The following SCOC variants were observed in gnomAD, a reference collection of about 807,000 sequenced individuals.
SCOC encodes short coiled-coil protein.
A neutral mutation model predicts 9.9 loss-of-function variants in SCOC; 7 were observed. The ratio of observed to expected loss-of-function variants is 0.71; its 90% CI spans 0.40 to 1.33. The LOEUF (loss-of-function observed/expected upper bound fraction) is 1.33. Among genes scored for constraint, SCOC ranks in the 40% most tolerant of loss-of-function variants. The pLI is 0.01. For synonymous variants in SCOC, 19 were observed against 28.2 expected (o/e 0.67, Z 1.03); for missense variants, 66 against 89.7 (o/e 0.74, Z 1.07).
chr4:140,285,367 T>A (rs890652476), intron 1 of SCOC: 1 of 443,134 alleles, frequency 2.3e-6, no homozygotes, highest in African/African-American at 2.0e-5. Flanking sequence ...AAATACCAGA[T>A]GACTGAACTA....
chr4:140,347,547 C>T (rs1726790882), intron 2 of SCOC, among the ~76,000 whole-genome samples: 1 of 152,112 alleles, frequency 6.6e-6, no homozygotes, highest in South Asian at 2.1e-4. Flanking sequence ...TGTCCTCCAG[C>T]GTTTCCCTAA....
intron 1 of SCOC, among the ~76,000 whole-genome samples, chr4:140,291,076 C>G (rs1471692576): frequency 2.0e-5 from 3 of 152,212 alleles, no homozygotes; most frequent in Admixed American, 1.3e-4. Flanking sequence ...AATATTGGCT[C>G]TCCCAACACA....
chr4:140,383,468 G>A lies in SCOC; in HGVS notation c.*2364G>A, dbSNP rs1010419735. ...TCTCAATTTGGAAAATGGAATAAAG[G>A]GAAACGTAAAAATTGTGGAATGCTC... On this transcript the variant is annotated 3_prime_UTR_variant, in exon 4 of 4. Transcript: ENST00000608372. 1 of 152,168 alleles carries A rather than the reference G, an allele frequency of 6.6e-6. No individual in the cohort carries two copies. Among genetic ancestry groups the A allele is most frequent in the Non-Finnish European group, 1.5e-5 (1 of 68,046 alleles). 9.4% of individuals were successfully genotyped at this position (152,168 alleles called of 1,614,324 possible).
intron 2 of SCOC, among the ~76,000 whole-genome samples, chr4:140,363,885 C>A (rs1322229049): frequency 2.6e-5 from 4 of 152,154 alleles, no homozygotes; most frequent in Non-Finnish European, 5.9e-5. Context: ...GGCACCCATA[C>A]AAAGTGCCAC....
intron 1 of SCOC, among the ~76,000 whole-genome samples, chr4:140,270,190 C>A (rs1730813201): frequency 6.6e-6 from 1 of 152,012 alleles, no homozygotes; most frequent in South Asian, 2.1e-4. Context: ...TAGTTTCTGA[C>A]CTAAAGGAAC....
chr4:140,262,464 A>C (rs1730652753), intron 1 of SCOC, among the ~76,000 whole-genome samples: 1 of 152,060 alleles, frequency 6.6e-6, no homozygotes, highest in Non-Finnish European at 1.5e-5. Flanking sequence ...TAAAACTATA[A>C]TCTCCAAAAC....
At chr4:140,285,399 C>T in intron 1 of SCOC, 2 of 411,474 alleles carry the variant, frequency 4.9e-6, no homozygotes, top group Non-Finnish European at 9.8e-6. Context: ...AGAGAGTGTA[C>T]TTATTTGATG....
At chr4:140,296,849 A>G (rs1403661840) in intron 1 of SCOC, among the ~76,000 whole-genome samples, 1 of 151,778 alleles carries the variant, frequency 6.6e-6, no homozygotes, top group African/African-American at 2.4e-5. Context: ...TCTTAACAGT[A>G]TCTTTCTGTG....
rs186490492 is a variant in SCOC, at chr4:140,355,154, G to A, written c.70+11446G>A. ...TCAGCTGCCAGCGAATATAAAGCAG[G>A]CAGAAAAATGTAAGAAGGTGAGACT... is the stretch of plus-strand genomic sequence containing the variant. On this transcript the variant is annotated intron_variant, in intron 2 of 4. Transcript: ENST00000338517. Among the ~76,000 whole-genome samples, 325 of 147,814 alleles carry A rather than the reference G, an allele frequency of 2.2e-3. 1 individual carries two copies. The highest frequency in any genetic ancestry group is 3.1e-3 in the Non-Finnish European group (209 of 67,374).
intron 1 of SCOC, among the ~76,000 whole-genome samples, chr4:140,311,572 C>T (rs1447119949): frequency 6.6e-6 from 1 of 152,148 alleles, no homozygotes; most frequent in Non-Finnish European, 1.5e-5. Context: ...ATTTTTATCT[C>T]AGTGCTTGGC....
chr4:140,285,217 T>C (rs1560682337), intron 1 of SCOC: 1 of 456,674 alleles, frequency 2.2e-6, no homozygotes, highest in Non-Finnish European at 4.4e-6. Context: ...GTTGTATTTC[T>C]TCCTCTGCCT....
intron 1 of SCOC, among the ~76,000 whole-genome samples, chr4:140,321,127 A>G (rs1732489692): frequency 6.6e-6 from 1 of 152,204 alleles, no homozygotes; most frequent in Admixed American, 6.5e-5. Flanking sequence ...CCCTGAGGGT[A>G]ACCATAGCAA....
chr4:140,273,927 T>C (rs1730919384), intron 1 of SCOC, among the ~76,000 whole-genome samples: 1 of 152,236 alleles, frequency 6.6e-6, no homozygotes, highest in South Asian at 2.1e-4. Context: ...CTGATAATGA[T>C]AGCCCGTCTG....
chr4:140,322,794 A>G (rs1215019691), intron 1 of SCOC, among the ~76,000 whole-genome samples: 2 of 152,152 alleles, frequency 1.3e-5, no homozygotes, highest in East Asian at 3.9e-4. Flanking sequence ...AAAGAAAATC[A>G]TGGGTGTGGC....
chr4:140,383,222 CTCT>C lies in SCOC; in HGVS notation c.*2123_*2125del, dbSNP rs1409818000. The stretch of plus-strand genomic sequence containing the variant: ...TGGCTGCTAGCAGCCTCAGCCACAG[CTCT>C]TCTTGTGCTACCAAGTATCTTCCCT... On this transcript the variant is annotated 3_prime_UTR_variant, in exon 4 of 4. Coordinates refer to ENST00000608372, the MANE Select transcript of SCOC (RefSeq NM_001153484.2). The C allele has an allele frequency of 1.3e-5, 2 of 152,180 alleles. No homozygotes were observed. Among genetic ancestry groups the C allele is most frequent in the African/African-American group, 4.8e-5 (2 of 41,448 alleles). 9.4% of individuals were successfully genotyped at this position (152,180 alleles called of 1,614,324 possible). A position where few individuals can be genotyped will look rare whatever the true frequency, so the allele number is the denominator to read the frequency against.
At chr4:140,373,631 G>A (rs968434767), upstream of SCOC, 3 of 1,551,672 alleles carry the variant, frequency 1.9e-6, no homozygotes, top group South Asian at 2.4e-5. Flanking sequence ...GGGCGGAGTG[G>A]GCGGAGCTGC....
At chr4:140,361,756 A>G (rs1353268746) in intron 2 of SCOC, among the ~76,000 whole-genome samples, 1 of 152,194 alleles carries the variant, frequency 6.6e-6, no homozygotes, top group Non-Finnish European at 1.5e-5. Context: ...AGAGTCATGG[A>G]GATCTCCTGT....
intron 2 of SCOC, chr4:140,366,566 C>T (rs1370658408): frequency 6.2e-7 from 1 of 1,600,840 alleles, no homozygotes; most frequent in Non-Finnish European, 8.6e-7. Context: ...GCTTTCCTTT[C>T]TCTGGCTTCA....
rs191907816 is a variant in SCOC at position 140,366,802 on chromosome 4, C to T, written c.71-12319C>T. The T allele has an allele frequency of 1.6e-3, 1,857 of 1,187,136 alleles. 30 individuals are homozygous for T. The South Asian group carries it at 0.016, about 10-fold the overall frequency. 73.5% of individuals were successfully genotyped at this position (1,187,136 alleles called of 1,614,324 possible). ...TACAGTTGCAACCAATTTTCTGGCA[C>T]GAGGTCCAGAGGGGATGTAGCCCAC... On this transcript the variant is annotated intron_variant, in intron 2 of 4. Coordinates refer to the SCOC transcript ENST00000338517.
Sources: allele counts gnomAD v4.1 joint callset (sites outside exome capture counted in the v4.1 genomes callset), GRCh38; gene constraint gnomAD v4.1.1; transcripts MANE v1.5; gene names NCBI Gene and HGNC (gene_info 2026-07-23, HGNC 2026-07-21).